The following NPAS1 variants were observed in gnomAD, a reference collection of about 807,000 sequenced individuals.
NPAS1 encodes the protein neuronal PAS domain protein 1.
Under a neutral mutation model 49.2 loss-of-function variants are expected in NPAS1, and 29 were observed. The ratio of observed to expected loss-of-function variants is 0.59; its 90% CI spans 0.44 to 0.80. The LOEUF (loss-of-function observed/expected upper bound fraction) is 0.80. NPAS1 is among the 30% of genes least tolerant of loss of function. The pLI, the probability that NPAS1 is intolerant of heterozygous loss-of-function variation, is 0.00. For synonymous variants in NPAS1, 408 were observed against 380.4 expected, an observed-to-expected ratio of 1.07 and a Z score of -0.84; for missense variants, 825 against 835.5, an observed-to-expected ratio of 0.99 and a Z score of 0.15.
chr19:47,041,544 G>A (rs2057021721), intron 10 of NPAS1, among the ~76,000 whole-genome samples: 1 of 152,120 alleles, frequency 6.6e-6, no homozygotes. Flanking sequence ...GACCCTAAAG[G>A]TAATGCCTTG....
chr19:47,026,548 C>T (rs1201686958), intron 3 of NPAS1, among the ~76,000 whole-genome samples: 2 of 152,170 alleles, frequency 1.3e-5, no homozygotes, highest in Non-Finnish European at 2.9e-5. Context: ...ATGGTCAGGT[C>T]CAACCCCTGG....
intron 6 of NPAS1, among the ~76,000 whole-genome samples, chr19:47,036,370 G>A (rs947996517): frequency 6.6e-6 from 1 of 152,250 alleles, no homozygotes; most frequent in African/African-American, 2.4e-5. Context: ...GGAGTTGGGA[G>A]AGGCTTAGGT....
In NPAS1 at chr19:47,039,472, GC is replaced by G; in HGVS notation, c.875del (p.Pro292ArgfsTer13). 3 of 1,610,450 alleles carry G rather than the reference GC, an allele frequency of 1.9e-6. No homozygotes were observed. The highest frequency in any genetic ancestry group is 2.2e-5 in the East Asian group (1 of 44,794). On this transcript the variant is annotated frameshift_variant, in exon 8 of 12. Transcript: ENST00000602212. LOFTEE classifies it high-confidence loss of function. ...LGLVALGHTLPPAPLAELPLH... is the reference protein window; with the variant it reads ...LGLVALGHTLXPAPLAELPLH... ...GCCTTGTGGCCCTCGGGCACACGTTGCCCCCGGCCCCCCTGGCTGAGCTGCC... is the reference window on the plus strand; with the variant it reads ...GCCTTGTGGCCCTCGGGCACACGTTGCCCCGGCCCCCCTGGCTGAGCTGCC...
At chr19:47,036,717 CAAAAAAAAAAA>C (rs57439342) in intron 6 of NPAS1, among the ~76,000 whole-genome samples, 1 of 131,130 alleles carries the variant, frequency 7.6e-6, no homozygotes, top group Non-Finnish European at 1.6e-5. Flanking sequence ...ACTAAAAATA[CAAAAAAAAAAA>C]AAAAATTAGC....
chr19:47,036,179 CG>C, intron 6 of NPAS1, 50 bp downstream of exon 6: 1 of 1,523,390 alleles, frequency 6.6e-7, no homozygotes, highest in Non-Finnish European at 8.9e-7. Flanking sequence ...GATCGGGGGA[CG>C]CCCGCTGTAC....
intron 6 of NPAS1, 65 bp from the exon 7 acceptor site, chr19:47,038,971 G>C: frequency 7.1e-7 from 1 of 1,406,044 alleles, no homozygotes. Context: ...GGCTCTGCAA[G>C]GGTCAGGGTG....
chr19:47,032,306 GGTCTCCGAA>G lies in NPAS1; in HGVS notation c.392_400del (p.Ser131_Val133del). 6.2e-7 allele frequency: 1 copy of G among 1,613,994 alleles called. No homozygotes were observed. The highest frequency in any genetic ancestry group is 1.3e-5 in the African/African-American group (1 of 75,032). ...CAGGCCGCCGCGGCCCCGCAGCGCT[GGTCTCCGAA>G]GTCTTCGAGCAGCACCTGGGAGGTC... On this transcript the variant is annotated inframe_deletion, in exon 4 of 12. Transcript: ENST00000602212.
intron 6 of NPAS1, 43 bp downstream of exon 6, chr19:47,036,172 C>A (rs1372673816): frequency 1.3e-6 from 2 of 1,535,582 alleles, no homozygotes; most frequent in Admixed American, 3.9e-5. Flanking sequence ...GAGGGTAGAT[C>A]GGGGGACGCC....
At chr19:47,025,822 AC>A (rs2056867731) in intron 3 of NPAS1, among the ~76,000 whole-genome samples, 2 of 151,374 alleles carry the variant, frequency 1.3e-5, no homozygotes, top group East Asian at 2.0e-4. Flanking sequence ...TGATTTGCCA[AC>A]CTTGGCCTCC....
chr19:47,039,696 G>A (rs2056998755), intron 8 of NPAS1, 132 bp downstream of exon 8: 14 of 1,017,320 alleles, frequency 1.4e-5, no homozygotes. Flanking sequence ...AACAGCAATG[G>A]ATGGGACAGG....
At chr19:47,020,574 CGGGGATGGGCTTGGGGGGCG>C (rs2056832401) in intron 1 of NPAS1, among the ~76,000 whole-genome samples, 1 of 145,858 alleles carries the variant, frequency 6.9e-6, no homozygotes. Flanking sequence ...AGTCAGACAC[CGGGGATGGGCTTGGGGGGCG>C]GGTCCTCGGG....
chr19:47,039,834 G>GTCTCTGATCTTTCATTTCTCATT (rs1205904235), intron 8 of NPAS1, among the ~76,000 whole-genome samples: 18 of 140,986 alleles, frequency 1.3e-4, no homozygotes, highest in Non-Finnish European at 3.2e-5. Context: ...ATCTTGGCCC[G>GTCTCTGATCTTTCATTTCTCATT]TCTCTGGTCT....
intron 6 of NPAS1, 30 bp downstream of exon 6, chr19:47,036,159 T>C: frequency 6.5e-7 from 1 of 1,548,848 alleles, no homozygotes. Flanking sequence ...AAGAATGAAG[T>C]CTGAGGGTAG....
At chr19:47,028,850 G>T (rs955466403) in intron 3 of NPAS1, among the ~76,000 whole-genome samples, 5 of 152,098 alleles carry the variant, frequency 3.3e-5, no homozygotes, top group Non-Finnish European at 7.4e-5. Context: ...CAGGGTCAGG[G>T]TCACCCAGGG....
intron 6 of NPAS1, among the ~76,000 whole-genome samples, chr19:47,037,645 A>T (rs1275303376): frequency 6.6e-6 from 1 of 152,098 alleles, no homozygotes; most frequent in Non-Finnish European, 1.5e-5. Flanking sequence ...TTGGGGGCCT[A>T]TGAGGCTAAC....
intron 6 of NPAS1, among the ~76,000 whole-genome samples, chr19:47,038,669 A>C (rs1374423057): frequency 6.6e-6 from 1 of 152,192 alleles, no homozygotes; most frequent in Non-Finnish European, 1.5e-5. Flanking sequence ...TCTACTAAAA[A>C]TACAAAAATT....
At chr19:47,027,724 CT>C (rs2056883530) in intron 3 of NPAS1, among the ~76,000 whole-genome samples, 1 of 151,270 alleles carries the variant, frequency 6.6e-6, no homozygotes, top group African/African-American at 2.4e-5. Flanking sequence ...TGCCCCTGGT[CT>C]CCCGTCTCTC....
At chr19:47,033,658 C>T (rs1276777903) in intron 5 of NPAS1, among the ~76,000 whole-genome samples, 1 of 152,038 alleles carries the variant, frequency 6.6e-6, no homozygotes, top group Non-Finnish European at 1.5e-5. Context: ...TTCTTCTTAA[C>T]AATTTTAAAG....
intron 6 of NPAS1, 151 bp from the exon 7 acceptor site, chr19:47,038,885 A>G (rs2056988937): frequency 3.1e-6 from 2 of 651,456 alleles, no homozygotes; most frequent in Non-Finnish European, 2.7e-6. Context: ...TACTGTCCCC[A>G]TGAGCTTTCA....
Sources: allele counts gnomAD v4.1 joint callset (sites outside exome capture counted in the v4.1 genomes callset), GRCh38; gene constraint gnomAD v4.1.1; transcripts MANE v1.5; gene names NCBI Gene and HGNC (gene_info 2026-07-23, HGNC 2026-07-21).